NRXN3: variants seen among roughly 807,000 people sequenced by gnomAD.
NRXN3 encodes neurexin III.
A neutral mutation model predicts 137.6 loss-of-function variants in NRXN3; 32 were observed. That is an observed-to-expected ratio of 0.23 (90% CI 0.18 to 0.31). NRXN3 has a LOEUF of 0.31. Among genes scored for constraint, NRXN3 ranks in the 10% least tolerant of loss-of-function variants. NRXN3 has a pLI of 1.00. For synonymous variants in NRXN3, 798 were observed against 784.5 expected, an observed-to-expected ratio of 1.02 and a Z score of -0.29; for missense variants, 1,574 against 2,062.5, an observed-to-expected ratio of 0.76 and a Z score of 4.59.
chr14:78,816,722 A>G lies in NRXN3; in HGVS notation c.2275+6378A>G, dbSNP rs1204547068. 2.6e-5 allele frequency among the ~76,000 whole-genome samples: 4 copies of G among 152,342 alleles called. No individual in the cohort carries two copies. The East Asian group carries it at 5.8e-4, about 22-fold the overall frequency. ...ATAAGTGCATTATAAATATTGATAT[A>G]TATTACCAAATTGCACTCCAAAGAG... On this transcript the variant is annotated intron_variant, in intron 10 of 20. Coordinates refer to ENST00000335750, the MANE Select transcript of NRXN3 (RefSeq NM_001330195.2).
At chr14:79,434,561 A>G (rs750883258) in intron 15 of NRXN3, among the ~76,000 whole-genome samples, 1 of 152,234 alleles carries the variant, frequency 6.6e-6, no homozygotes, top group Non-Finnish European at 1.5e-5. Flanking sequence ...TCAGTGGTGC[A>G]GGTACGATGG....
chr14:79,745,165 GGTT>G (rs2098975830), intron 19 of NRXN3, among the ~76,000 whole-genome samples: 2 of 152,048 alleles, frequency 1.3e-5, no homozygotes, highest in Non-Finnish European at 2.9e-5. Context: ...TTGTACACTT[GGTT>G]AATTTCATTG....
intron 4 of NRXN3, among the ~76,000 whole-genome samples, chr14:78,617,450 A>G (rs1400242875): frequency 6.6e-6 from 1 of 152,204 alleles, no homozygotes; most frequent in Non-Finnish European, 1.5e-5. Flanking sequence ...CTGGTTTTAT[A>G]GGACATGCTG....
chr14:79,700,705 A>G (rs1200396574), intron 19 of NRXN3, among the ~76,000 whole-genome samples: 1 of 151,992 alleles, frequency 6.6e-6, no homozygotes, highest in East Asian at 1.9e-4. Context: ...GTGAACAAGT[A>G]GTTTTTGAGT....
At chr14:79,659,930 T>C (rs1004569243) in intron 16 of NRXN3, among the ~76,000 whole-genome samples, 6 of 152,320 alleles carry the variant, frequency 3.9e-5, no homozygotes, top group Middle Eastern at 3.4e-3. Context: ...TTTTATCTCA[T>C]ATATTTATGT....
At chr14:78,609,472 T>C (rs762031423) in intron 4 of NRXN3, among the ~76,000 whole-genome samples, 1 of 152,174 alleles carries the variant, frequency 6.6e-6, no homozygotes, top group African/African-American at 2.4e-5. Context: ...GAATAGGATA[T>C]CATGAAAGTA....
At chr14:78,977,190 G>A (rs1375902429) in intron 14 of NRXN3, among the ~76,000 whole-genome samples, 1 of 152,138 alleles carries the variant, frequency 6.6e-6, no homozygotes, top group Non-Finnish European at 1.5e-5. Flanking sequence ...GCCGTATGGT[G>A]TGAGTCTGGG....
chr14:78,851,010 G>A (rs968100205), intron 10 of NRXN3, among the ~76,000 whole-genome samples: 4 of 152,124 alleles, frequency 2.6e-5, no homozygotes, highest in African/African-American at 9.6e-5. Context: ...TTCTCTTTTT[G>A]AGCTGAATTA....
intron 15 of NRXN3, among the ~76,000 whole-genome samples, chr14:79,053,410 C>G (rs2099644857): frequency 6.6e-6 from 1 of 152,190 alleles, no homozygotes; most frequent in Admixed American, 6.5e-5. Context: ...TGATCCAGGG[C>G]TCCCTGGCTC....
At chr14:78,811,810 A>C (rs1265319130) in intron 10 of NRXN3, among the ~76,000 whole-genome samples, 7 of 152,212 alleles carry the variant, frequency 4.6e-5, no homozygotes, top group Non-Finnish European at 1.0e-4. Context: ...CGATATAAGC[A>C]ACTGCTTACT....
chr14:78,944,977 C>A (rs2099362340), intron 10 of NRXN3, among the ~76,000 whole-genome samples: 1 of 152,100 alleles, frequency 6.6e-6, no homozygotes, highest in African/African-American at 2.4e-5. Flanking sequence ...ATGTGAGAAC[C>A]ACTGGCCTAA....
intron 15 of NRXN3, among the ~76,000 whole-genome samples, chr14:79,028,316 G>A (rs1169437285): frequency 1.2e-4 from 18 of 152,082 alleles, no homozygotes; most frequent in Admixed American, 1.2e-3. Context: ...TACCATTACA[G>A]CGCTAAGTGG....
chr14:79,420,682 A>G (rs1256304201), intron 15 of NRXN3, among the ~76,000 whole-genome samples: 1 of 152,228 alleles, frequency 6.6e-6, no homozygotes, highest in Non-Finnish European at 1.5e-5. Context: ...GCAAAAGCTA[A>G]TACAAAACCT....
intron 4 of NRXN3, among the ~76,000 whole-genome samples, chr14:78,393,293 G>C (rs2091010210): frequency 6.6e-6 from 1 of 151,848 alleles, no homozygotes; most frequent in Admixed American, 6.6e-5. Context: ...ACTTTATACA[G>C]TTTCCTCTAT....
chr14:79,427,691 G>A (rs1218651464), intron 15 of NRXN3, among the ~76,000 whole-genome samples: 1 of 152,016 alleles, frequency 6.6e-6, no homozygotes, highest in East Asian at 1.9e-4. Context: ...AATTGGTCGG[G>A]AGTGGTGGCA....
intron 16 of NRXN3, among the ~76,000 whole-genome samples, chr14:79,586,134 C>A (rs2097763824): frequency 6.6e-6 from 1 of 152,178 alleles, no homozygotes; most frequent in Non-Finnish European, 1.5e-5. Context: ...GTAACAGAGT[C>A]AATCATAATT....
At chr14:79,468,769 T>C (rs1223969052) in intron 16 of NRXN3, among the ~76,000 whole-genome samples, 2 of 152,164 alleles carry the variant, frequency 1.3e-5, no homozygotes, top group East Asian at 1.9e-4. Flanking sequence ...CTAGCCCCAG[T>C]ATAAGCCAGA....
intron 10 of NRXN3, among the ~76,000 whole-genome samples, chr14:78,875,506 T>C (rs1248633994): frequency 6.6e-6 from 1 of 152,204 alleles, no homozygotes; most frequent in Non-Finnish European, 1.5e-5. Context: ...ATTCACTTTT[T>C]TCCATAGGCT....
At chr14:78,307,468 G>GAGAC (rs1429739563) in intron 4 of NRXN3, among the ~76,000 whole-genome samples, 1 of 152,082 alleles carries the variant, frequency 6.6e-6, no homozygotes, top group Non-Finnish European at 1.5e-5. Flanking sequence ...TTAACCTTGT[G>GAGAC]AGACACCCAG....
Sources: allele counts gnomAD v4.1 joint callset (sites outside exome capture counted in the v4.1 genomes callset), GRCh38; gene constraint gnomAD v4.1.1; transcripts MANE v1.5; gene names NCBI Gene and HGNC (gene_info 2026-07-23, HGNC 2026-07-21).